The following LYZL6 variants were observed in gnomAD, a reference collection of about 807,000 sequenced individuals.
LYZL6 encodes the protein lysozyme like 6.
Under a neutral mutation model 15.0 loss-of-function variants are expected in LYZL6, and 21 were observed. The ratio of observed to expected loss-of-function variants is 1.40; its 90% CI spans 1.00 to 2.02. LYZL6 has a LOEUF of 2.02. Among genes scored for constraint, LYZL6 ranks in the 30% most tolerant of loss-of-function variants. The probability of loss-of-function intolerance (pLI) is 0.00; values close to 1 mark genes in which losing one functional copy is unlikely to be tolerated. For synonymous variants in LYZL6, 72 were observed against 67.8 expected, an observed-to-expected ratio of 1.06 and a Z score of -0.31; for missense variants, 173 against 180.5, an observed-to-expected ratio of 0.96 and a Z score of 0.24.
At chr17:35,935,702 C>A (rs1369120861) in intron 4 of LYZL6, among the ~76,000 whole-genome samples, 1 of 152,128 alleles carries the variant, frequency 6.6e-6, no homozygotes, top group Non-Finnish European at 1.5e-5. Flanking sequence ...TTAGTAGAGA[C>A]AAAGTTTCAC....
chr17:35,943,202 T>G (rs975006756), intron 1 of LYZL6, among the ~76,000 whole-genome samples: 10 of 152,198 alleles, frequency 6.6e-5, no homozygotes, highest in Middle Eastern at 3.4e-3. Context: ...GCGACCTCGA[T>G]CTCCTTAAAC....
chr17:35,934,893 C>A, intron 4 of LYZL6, 28 bp from the exon 5 acceptor site: 1 of 1,611,178 alleles, frequency 6.2e-7, no homozygotes, highest in Non-Finnish European at 8.5e-7. Context: ...ATGGTTCTTG[C>A]CTCACACTCA....
chr17:35,936,769 C>T lies in LYZL6; in HGVS notation c.363G>A (p.Arg121=). 1 of 1,613,752 alleles carries T rather than the reference C, an allele frequency of 6.2e-7. No individual in the cohort carries two copies. ...HCAKRIVSGA[R]GMNNWVEWRL... is the part of the protein sequence containing the mutation. ...GTCCTCCTCACCAGTTGTTCATCCC[C>T]CGTGCTCCGGACACAATCCTTTTTG... The change falls in exon 4 of 5, where the codon CGG becomes CGA. Residue 121 remains arginine, a synonymous_variant. Coordinates refer to ENST00000615905, the MANE Select transcript of LYZL6 (RefSeq NM_020426.4).
At chr17:35,936,867 C>T in intron 3 of LYZL6, 34 bp from the exon 4 acceptor site, 1 of 1,580,464 alleles carries the variant, frequency 6.3e-7, no homozygotes, top group Non-Finnish European at 8.7e-7. Flanking sequence ...TGTGAGGGCA[C>T]AGAAGACAGC....
intron 4 of LYZL6, among the ~76,000 whole-genome samples, chr17:35,936,403 A>G (rs575515295): frequency 6.6e-6 from 1 of 152,290 alleles, no homozygotes; most frequent in South Asian, 2.1e-4. Flanking sequence ...CAAATGCACC[A>G]AGAGAAGCTG....
chr17:35,942,128 G>A (rs1374356931), intron 1 of LYZL6, among the ~76,000 whole-genome samples: 2 of 152,166 alleles, frequency 1.3e-5, no homozygotes, highest in Non-Finnish European at 1.5e-5. Flanking sequence ...AAATCTGTAA[G>A]ATAACTGGCC....
intron 4 of LYZL6, 75 bp from the exon 5 acceptor site, chr17:35,934,940 G>T: frequency 1.4e-6 from 2 of 1,425,130 alleles, no homozygotes; most frequent in Non-Finnish European, 2.0e-6. Flanking sequence ...TTCTTGGTGA[G>T]TCTCGCATAT....
chr17:35,942,447 G>A (rs930113589), intron 1 of LYZL6, among the ~76,000 whole-genome samples: 1 of 152,098 alleles, frequency 6.6e-6, no homozygotes, highest in African/African-American at 2.4e-5. Flanking sequence ...AGTGTCAGGC[G>A]GCTTCTGCTT....
intron 1 of LYZL6, among the ~76,000 whole-genome samples, chr17:35,942,689 A>G (rs1159421322): frequency 6.6e-6 from 1 of 152,178 alleles, no homozygotes; most frequent in Non-Finnish European, 1.5e-5. Context: ...AACAGATAAG[A>G]GCTCAGGCAC....
chr17:35,939,092 A>C lies in LYZL6; in HGVS notation c.139+126T>G, dbSNP rs1311164109. The C allele has an allele frequency of 4.4e-6, 5 of 1,137,036 alleles. No homozygotes were observed. The East Asian group carries it at 1.2e-4, about 27-fold the overall frequency. 70.4% of individuals were successfully genotyped at this position (1,137,036 alleles called of 1,614,324 possible). ...TTGAGTGAATACAGCGTGTTGGGAA[A>C]GGCTTTTTTGAAGGGGGCTGCTTTT... On this transcript the variant is annotated intron_variant, in intron 2 of 4. Transcript: ENST00000615905.
At chr17:35,940,601 C>T (rs761138612) in intron 1 of LYZL6, among the ~76,000 whole-genome samples, 4 of 152,180 alleles carry the variant, frequency 2.6e-5, no homozygotes, top group Non-Finnish European at 4.4e-5. Context: ...ACAACTACTA[C>T]CTCACTTGAT....
At chr17:35,937,088 T>C (rs2089381054) in intron 3 of LYZL6, among the ~76,000 whole-genome samples, 2 of 152,206 alleles carry the variant, frequency 1.3e-5, no homozygotes, top group Non-Finnish European at 2.9e-5. Context: ...CCAGGGTAGA[T>C]AGTGGTTCAC....
intron 3 of LYZL6, 83 bp downstream of exon 3, chr17:35,937,675 C>A (rs533253868): frequency 6.7e-7 from 1 of 1,481,814 alleles, no homozygotes; most frequent in African/African-American, 1.4e-5. Flanking sequence ...GGGCCATTCC[C>A]AGGCTGTGGG....
intron 4 of LYZL6, among the ~76,000 whole-genome samples, chr17:35,936,286 G>A (rs1024568270): frequency 3.3e-5 from 5 of 152,236 alleles, no homozygotes; most frequent in African/African-American, 1.2e-4. Context: ...CTGGGACTGA[G>A]CCTAGCCAGT....
At chr17:35,937,350 G>GC (rs1229015809) in intron 3 of LYZL6, among the ~76,000 whole-genome samples, 1 of 152,180 alleles carries the variant, frequency 6.6e-6, no homozygotes, top group Non-Finnish European at 1.5e-5. Context: ...AGCCTGTGAG[G>GC]CCATTAGTCT....
chr17:35,943,022 A>T (rs1194449279), intron 1 of LYZL6, among the ~76,000 whole-genome samples: 1 of 151,868 alleles, frequency 6.6e-6, no homozygotes, highest in Non-Finnish European at 1.5e-5. Flanking sequence ...CTCTAGGAGG[A>T]TAAGACATCC....
Position 35,934,858 on chromosome 17 carries a change from A to C in LYZL6, c.385T>G (p.Trp129Gly). The C allele has an allele frequency of 1.9e-6, 3 of 1,614,126 alleles. No homozygotes were observed. The highest frequency in any genetic ancestry group is 2.5e-6 in the Non-Finnish European group (3 of 1,180,008). The change falls in exon 5 of 5, where the codon TGG becomes GGG. Residue 129 changes from tryptophan to glycine, a missense_variant. Trp to Gly is a radical substitution (Grantham distance 184). Coordinates refer to ENST00000615905, the MANE Select transcript of LYZL6 (RefSeq NM_020426.4). ...GARGMNNWVEWRLHCSGRPLF... is the reference protein window; with the variant it reads ...GARGMNNWVEGRLHCSGRPLF... ...GGCCGGCCTGAACAGTGCAACCTCC[A>C]TTCTACCCTGCGGAGAAAAAAGACA... is the stretch of plus-strand genomic sequence containing the variant.
chr17:35,937,184 C>T (rs747583001), intron 3 of LYZL6, among the ~76,000 whole-genome samples: 5 of 152,222 alleles, frequency 3.3e-5, no homozygotes, highest in Non-Finnish European at 5.9e-5. Context: ...GGTCTTCAGG[C>T]GAGGAGCCGA....
chr17:35,940,131 G>A (rs556645362), intron 1 of LYZL6, among the ~76,000 whole-genome samples: 6 of 152,044 alleles, frequency 3.9e-5, no homozygotes, highest in Admixed American at 2.0e-4. Context: ...GAATAGCAAG[G>A]GCCCTAGATT....
Sources: gnomAD v4.1 joint callset for allele counts (sites outside exome capture counted in the v4.1 genomes callset) on GRCh38, gnomAD v4.1.1 for gene constraint, MANE v1.5 for transcripts, NCBI Gene and HGNC (gene_info 2026-07-23, HGNC 2026-07-21) for gene names.